SLC6A17: variants seen among roughly 807,000 people sequenced by gnomAD.
SLC6A17 encodes the protein solute carrier family 6 member 17, also known as sodium-dependent neutral amino acid transporter SLC6A17.
A neutral mutation model predicts 64.5 loss-of-function variants in SLC6A17; 21 were observed. The ratio of observed to expected loss-of-function variants is 0.33; its 90% CI spans 0.23 to 0.47. The LOEUF (loss-of-function observed/expected upper bound fraction) is 0.47, where lower values mean the gene tolerates loss of function less well. Among genes scored for constraint, SLC6A17 ranks in the 20% least tolerant of loss-of-function variants. The probability of loss-of-function intolerance (pLI) is 1.00; values close to 1 mark genes in which losing one functional copy is unlikely to be tolerated. For missense variants in SLC6A17, 682 were observed against 963.2 expected, an observed-to-expected ratio of 0.71 and a Z score of 3.86; for synonymous variants, 372 against 399.5, an observed-to-expected ratio of 0.93 and a Z score of 0.82.
intron 6 of SLC6A17, among the ~76,000 whole-genome samples, chr1:110,181,645 G>C (rs191862580): frequency 6.6e-6 from 1 of 152,232 alleles, no homozygotes; most frequent in Admixed American, 6.5e-5. Context: ...TAGGGCATTC[G>C]GTGAGAAGAG....
rs780606691 is a variant in SLC6A17 at position 110,167,090 on chromosome 1, A to T, written c.161A>T (p.Glu54Val). The change falls in exon 2 of 12, where the codon GAG becomes GTG. Residue 54 changes from glutamate (E) to valine (V), a missense_variant. Glu to Val is a moderately radical substitution (Grantham distance 121). Around this residue, in one of 3 missense-constraint regions of SLC6A17, gnomAD observed 415 missense variants for 603.8 expected, o/e 0.69. Coordinates refer to ENST00000331565, the MANE Select transcript of SLC6A17 (RefSeq NM_001010898.4). ...GGCAAGCAGAAGGCGGTGGAGGAGG[A>T]GCTGGATGCAGAGGACCGGCCGGCC... ...AGGKQKAVEE[E>V]LDAEDRPAWN... 1 of 1,611,370 alleles carries T rather than the reference A, an allele frequency of 6.2e-7. No homozygotes were observed. The highest frequency in any genetic ancestry group is 2.2e-5 in the East Asian group (1 of 44,758).
At chr1:110,196,861 A>G (rs537465137) in intron 10 of SLC6A17, among the ~76,000 whole-genome samples, 57 of 152,352 alleles carry the variant, frequency 3.7e-4, no homozygotes, top group African/African-American at 1.3e-3. Context: ...GGTGACAGTC[A>G]CAGGTATTGT....
At chr1:110,173,178 G>C (rs1656286876) in intron 3 of SLC6A17, among the ~76,000 whole-genome samples, 2 of 152,238 alleles carry the variant, frequency 1.3e-5, no homozygotes, top group African/African-American at 4.8e-5. Flanking sequence ...GTCTCACTCT[G>C]TCTGTGCTCC....
In SLC6A17 at chr1:110,153,422, A is replaced by T. The variant is rs1000589421; in HGVS notation, c.-88+2539A>T. On this transcript the variant is annotated intron_variant, in intron 1 of 11. Transcript: ENST00000331565. The stretch of plus-strand genomic sequence containing the variant: ...AATGTCCAGATTTGGTGCTGAGCTA[A>T]GATGTGTGTGCCTTAAGAGTGAAGG... Among the ~76,000 whole-genome samples, 3 of 152,012 alleles carry T rather than the reference A, an allele frequency of 2.0e-5. No homozygotes were observed. In the South Asian group the frequency reaches 6.2e-4, roughly 32 times the overall value.
chr1:110,166,780 C>T, intron 1 of SLC6A17, 63 bp from the exon 2 acceptor site: 5 of 1,014,232 alleles, frequency 4.9e-6, no homozygotes, highest in Non-Finnish European at 6.9e-6. Flanking sequence ...GTTGTGTCCA[C>T]GTTGGGCTCC....
At position 110,200,075 on chromosome 1, in the gene SLC6A17, C is replaced by A; in HGVS notation, c.*1631C>A. On this transcript the variant is annotated 3_prime_UTR_variant, in exon 12 of 12. Coordinates refer to ENST00000331565, the MANE Select transcript of SLC6A17 (RefSeq NM_001010898.4). ...GCAGAAACAGGCCACAGTGCTCAAC[C>A]CGGACACCCTCACGAAGGGTCGCAA... 5.0e-6 allele frequency: 2 copies of A among 398,460 alleles called. No homozygotes were observed. The highest frequency in any genetic ancestry group is 8.8e-5 in the Admixed American group (2 of 22,708). 24.7% of individuals were successfully genotyped at this position (398,460 alleles called of 1,614,324 possible). A position where few individuals can be genotyped will look rare whatever the true frequency, so the allele number is the denominator to read the frequency against.
At chr1:110,163,899 C>T (rs1044299218) in intron 1 of SLC6A17, among the ~76,000 whole-genome samples, 9 of 152,162 alleles carry the variant, frequency 5.9e-5, no homozygotes, top group African/African-American at 1.9e-4. Flanking sequence ...AGATGCCCTT[C>T]CTGACTGCCC....
At chr1:110,178,276 G>T (rs979761747) in intron 6 of SLC6A17, among the ~76,000 whole-genome samples, 1 of 152,054 alleles carries the variant, frequency 6.6e-6, no homozygotes, top group Admixed American at 6.6e-5. Flanking sequence ...CTCCAGATGG[G>T]CCCCTCAATG....
chr1:110,169,556 T>C (rs1345098163), intron 2 of SLC6A17, among the ~76,000 whole-genome samples: 6 of 151,680 alleles, frequency 4.0e-5, no homozygotes, highest in African/African-American at 1.4e-4. Flanking sequence ...ACCACCAAGA[T>C]GGTCTTTTAA....
chr1:110,199,443 T>C lies in SLC6A17; in HGVS notation c.*999T>C, dbSNP rs1259574822. 2.6e-5 allele frequency: 4 copies of C among 152,514 alleles called. No individual in the cohort carries two copies. The highest frequency in any genetic ancestry group is 2.0e-4 in the Admixed American group (3 of 15,296). The allele number at this position is 152,514 out of a possible 1,614,324, so 9.4% of individuals were successfully genotyped here. A position where few individuals can be genotyped will look rare whatever the true frequency, so the allele number is the denominator to read the frequency against. Reference sequence around the variant, plus strand: ...CAATGTTCTGTCTAGTGGCAGCTTTTCCCCTGGAACAGGGGTCCCTGGAGT... The same window carrying C: ...CAATGTTCTGTCTAGTGGCAGCTTTCCCCCTGGAACAGGGGTCCCTGGAGT... On this transcript the variant is annotated 3_prime_UTR_variant, in exon 12 of 12. Transcript: ENST00000331565.
chr1:110,180,991 C>T (rs916048087), intron 6 of SLC6A17, among the ~76,000 whole-genome samples: 10 of 152,200 alleles, frequency 6.6e-5, no homozygotes, highest in African/African-American at 2.2e-4. Context: ...TCCATGTCTT[C>T]AAGCAGACAG....
chr1:110,154,306 G>A (rs779034914), intron 1 of SLC6A17, among the ~76,000 whole-genome samples: 1 of 152,212 alleles, frequency 6.6e-6, no homozygotes, highest in African/African-American at 2.4e-5. Flanking sequence ...CTAGAGAATT[G>A]GAACTCTATC....
chr1:110,198,641 T>C lies in SLC6A17; in HGVS notation c.*197T>C, dbSNP rs1471565894. On this transcript the variant is annotated 3_prime_UTR_variant, in exon 12 of 12. Coordinates refer to ENST00000331565, the MANE Select transcript of SLC6A17 (RefSeq NM_001010898.4). ...CCCTGAGCAGGAGGCTGGGAGCAGC[T>C]CTGTTTCCTAATTCAGGACCCCACT... 1.1e-6 allele frequency: 1 copy of C among 931,682 alleles called. No homozygotes were observed. Among genetic ancestry groups the C allele is most frequent in the Non-Finnish European group, 1.5e-6 (1 of 652,198 alleles). The allele number at this position is 931,682 out of a possible 1,614,324, so 57.7% of individuals were successfully genotyped here. A position where few individuals can be genotyped will look rare whatever the true frequency, so the allele number is the denominator to read the frequency against.
At chr1:110,180,708 C>A (rs182810570) in intron 6 of SLC6A17, among the ~76,000 whole-genome samples, 10 of 152,254 alleles carry the variant, frequency 6.6e-5, no homozygotes, top group African/African-American at 2.4e-4. Flanking sequence ...TCTTGCCCTA[C>A]AATGATGCTG....
Position 110,192,464 on chromosome 1 carries a change from A to T in SLC6A17, c.1107-42A>T. 1 of 1,572,672 alleles carries T rather than the reference A, an allele frequency of 6.4e-7. No homozygotes were observed. Among genetic ancestry groups the T allele is most frequent in the Non-Finnish European group, 8.6e-7 (1 of 1,158,040 alleles). On this transcript the variant is annotated intron_variant, in intron 7 of 11. Transcript: ENST00000331565. This position sits in a 1 kb window ranked among gnomAD's most constrained non-coding sequence, Gnocchi z 4.3. ...GCCTCCAGGATCTCACCCATTGCCC[A>T]CCCCTGCCTTCTTACCTGGTCCTCT...
At chr1:110,162,367 T>C (rs1655936866) in intron 1 of SLC6A17, among the ~76,000 whole-genome samples, 1 of 152,198 alleles carries the variant, frequency 6.6e-6, no homozygotes, top group African/African-American at 2.4e-5. Context: ...GGAGGGACTC[T>C]CAACAGATAT....
At chr1:110,156,386 T>C (rs2101836793) in intron 1 of SLC6A17, among the ~76,000 whole-genome samples, 1 of 152,280 alleles carries the variant, frequency 6.6e-6, no homozygotes, top group African/African-American at 2.4e-5. Context: ...CCAGAAATAA[T>C]GATGCCCTCA....
intron 2 of SLC6A17, among the ~76,000 whole-genome samples, chr1:110,170,839 A>G (rs917146768): frequency 1.3e-5 from 2 of 149,118 alleles, no homozygotes; most frequent in African/African-American, 5.2e-5. Context: ...TTGTGTGACT[A>G]GTCTGTGGTG....
At position 110,199,677 on chromosome 1, in the gene SLC6A17, A is replaced by T; in HGVS notation, c.*1233A>T. The T allele has an allele frequency of 9.7e-6, 3 of 309,392 alleles. No homozygotes were observed. The highest frequency in any genetic ancestry group is 1.2e-5 in the Non-Finnish European group (2 of 168,500). 19.2% of individuals were successfully genotyped at this position (309,392 alleles called of 1,614,324 possible). ...TGCTGTGGACAGTAGAGGCTGCCAA[A>T]GGCAAGGGCTGGTCTTCAGGATGGA... On this transcript the variant is annotated 3_prime_UTR_variant, in exon 12 of 12. Coordinates refer to ENST00000331565, the MANE Select transcript of SLC6A17 (RefSeq NM_001010898.4).
Sources: allele counts gnomAD v4.1 joint callset (sites outside exome capture counted in the v4.1 genomes callset), GRCh38; gene constraint gnomAD v4.1.1; regional missense constraint gnomAD v4.1.1; non-coding constraint Gnocchi (gnomAD v3.1); transcripts MANE v1.5; gene names NCBI Gene and HGNC (gene_info 2026-07-23, HGNC 2026-07-21).